Variants in CACNA1S observed in about 807,000 individuals in gnomAD.
CACNA1S encodes voltage-dependent L-type calcium channel subunit alpha-1S.
In CACNA1S, 126 loss-of-function variants were observed where a neutral mutation model predicts 207.4. That is an observed-to-expected ratio of 0.61 (90% CI 0.53 to 0.70). The LOEUF (loss-of-function observed/expected upper bound fraction) is 0.70, where lower values mean the gene tolerates loss of function less well. CACNA1S is among the 30% of genes least tolerant of loss of function. The pLI, the probability that CACNA1S is intolerant of heterozygous loss-of-function variation, is 0.00. For synonymous variants in CACNA1S, 960 were observed against 932.7 expected, an observed-to-expected ratio of 1.03 and a Z score of -0.53; for missense variants, 2,349 against 2,422.8, an observed-to-expected ratio of 0.97 and a Z score of 0.64.
rs1660501725 is a variant in CACNA1S, at chr1:201,047,246, A to G, written c.4544-7T>C. 1 of 1,614,214 alleles carries G rather than the reference A, an allele frequency of 6.2e-7. No homozygotes were observed. The highest frequency in any genetic ancestry group is 8.5e-7 in the Non-Finnish European group (1 of 1,180,042). The stretch of plus-strand genomic sequence containing the variant: ...CCCACTGTCACCTCATCATCTGCAG[A>G]GGAGCCAACAAGAGATGCCCTGAAG... On this transcript the variant is annotated splice_polypyrimidine_tract_variant and splice_region_variant and intron_variant, in intron 37 of 43. Transcript: ENST00000362061.
intron 27 of CACNA1S, 88 bp from the exon 28 acceptor site, chr1:201,058,579 G>T: frequency 9.3e-7 from 1 of 1,079,506 alleles, no homozygotes; most frequent in Non-Finnish European, 1.4e-6. Flanking sequence ...TCCCACCCGA[G>T]CTAATGCGGA....
rs1660627713 is a variant in CACNA1S, at chr1:201,050,990, G to A, written c.4107C>T (p.Ala1369=). 9 of 1,614,180 alleles carry A rather than the reference G, an allele frequency of 5.6e-6. No homozygotes were observed. The highest frequency in any genetic ancestry group is 7.6e-6 in the Non-Finnish European group (9 of 1,180,018). ...CAGGCCCTCAGCATCTCACCAGGAAGGCACAGAGCATGTAGAAGCTGATGA... is the reference window on the plus strand; with the variant it reads ...CAGGCCCTCAGCATCTCACCAGGAAAGCACAGAGCATGTAGAAGCTGATGA... The part of the protein sequence containing the change: ...YYFISFYMLC[A]FLVINLFVAV... Residue 1369 remains alanine (A), a synonymous_variant, in exon 33 of 44, where the codon GCC becomes GCT. Coordinates refer to ENST00000362061, the MANE Select transcript of CACNA1S (RefSeq NM_000069.3).
At chr1:201,045,354 G>T (rs953343347) in intron 38 of CACNA1S, among the ~76,000 whole-genome samples, 1 of 152,208 alleles carries the variant, frequency 6.6e-6, no homozygotes, top group African/African-American at 2.4e-5. Flanking sequence ...TCAATGCACT[G>T]TCTGATTCTG....
At chr1:201,106,829 T>G (rs898694018) in intron 2 of CACNA1S, among the ~76,000 whole-genome samples, 1 of 152,188 alleles carries the variant, frequency 6.6e-6, no homozygotes, top group Non-Finnish European at 1.5e-5. Context: ...CCAAGGGTGT[T>G]GCAATCTCTG....
chr1:201,086,153 G>A (rs1299536103), intron 7 of CACNA1S, among the ~76,000 whole-genome samples: 1 of 152,178 alleles, frequency 6.6e-6, no homozygotes, highest in Non-Finnish European at 1.5e-5. Context: ...ACAGCACAGG[G>A]GTAGTCTCTG....
At chr1:201,084,812 T>G in intron 9 of CACNA1S, 138 bp downstream of exon 9, 1 of 680,564 alleles carries the variant, frequency 1.5e-6, no homozygotes, top group Non-Finnish European at 2.6e-6. Context: ...GAACTGGCCC[T>G]ATTTTCTTAA....
intron 2 of CACNA1S, among the ~76,000 whole-genome samples, chr1:201,098,785 C>T (rs973771216): frequency 1.3e-5 from 2 of 152,168 alleles, no homozygotes; most frequent in Admixed American, 6.5e-5. Context: ...GGACAGTGAG[C>T]CCGTCCAACT....
intron 16 of CACNA1S, 142 bp from the exon 17 acceptor site, chr1:201,070,546 C>A (rs927058257): frequency 1.9e-6 from 2 of 1,072,338 alleles, no homozygotes. Flanking sequence ...AGGGCTTTGG[C>A]AGAGTCCAGC....
rs774698776 is a variant in CACNA1S, at chr1:201,066,186, C to T, written c.2745+43G>A. ...CTGGAGCGAGGAGGCCCCTGTAACC[C>T]CTCCCATTCCTCTCTGGGGCTCCTG... On this transcript the variant is annotated intron_variant, in intron 21 of 43. Coordinates refer to ENST00000362061, the MANE Select transcript of CACNA1S (RefSeq NM_000069.3). The surrounding 1 kb of genome is among the most constrained non-coding windows in gnomAD (Gnocchi z 4.3). The T allele has an allele frequency of 2.2e-5, 35 of 1,575,536 alleles. No homozygotes were observed. Among genetic ancestry groups the T allele is most frequent in the Non-Finnish European group, 2.9e-5 (33 of 1,145,166 alleles).
At chr1:201,094,462 A>G (rs1662347554) in intron 2 of CACNA1S, among the ~76,000 whole-genome samples, 1 of 151,706 alleles carries the variant, frequency 6.6e-6, no homozygotes, top group African/African-American at 2.4e-5. Context: ...TCATTACTCG[A>G]CTTCCAGATA....
intron 2 of CACNA1S, among the ~76,000 whole-genome samples, chr1:201,097,003 C>T (rs1021029522): frequency 6.6e-5 from 10 of 152,100 alleles, no homozygotes; most frequent in Middle Eastern, 3.2e-3. Context: ...TTTCATGTGT[C>T]GCTGTCTCAG....
At position 201,109,243 on chromosome 1, in the gene CACNA1S, C is replaced by CAAAAA. The variant is rs56739161; in HGVS notation, c.258+916_258+920dup. ...TGGGCAACAGAGTGAGACTCTGTCT[C>CAAAAA]AAAAAAAAAAAAAAAAAGAGGTTCT... is the stretch of plus-strand genomic sequence containing the variant. On this transcript the variant is annotated intron_variant, in intron 2 of 43. Transcript: ENST00000362061. Among the ~76,000 whole-genome samples the CAAAAA allele has an allele frequency of 2.2e-3, 262 of 118,554 alleles. 3 individuals carry two copies. Among genetic ancestry groups the CAAAAA allele is most frequent in the African/African-American group, 7.7e-3 (251 of 32,464 alleles). 77.8% of individuals were successfully genotyped at this position (118,554 alleles called of 152,430 possible).
intron 38 of CACNA1S, among the ~76,000 whole-genome samples, chr1:201,045,075 A>G (rs1486025102): frequency 6.6e-6 from 1 of 152,184 alleles, no homozygotes; most frequent in Non-Finnish European, 1.5e-5. Context: ...TAGATTGGTG[A>G]TCTTTATTGA....
intron 36 of CACNA1S, among the ~76,000 whole-genome samples, 188 bp from the exon 37 acceptor site, chr1:201,047,814 A>G (rs969912918): frequency 2.0e-5 from 3 of 151,940 alleles, no homozygotes; most frequent in Non-Finnish European, 4.4e-5. Flanking sequence ...GGGCAGCCCA[A>G]CTCTTGGGTC....
Position 201,048,577 on chromosome 1 carries a change from C to T in CACNA1S, c.4441+5G>A. The T allele has an allele frequency of 6.2e-7, 1 of 1,607,364 alleles. No individual in the cohort carries two copies. On this transcript the variant is annotated splice_donor_5th_base_variant and intron_variant, in intron 36 of 43. Coordinates refer to ENST00000362061, the MANE Select transcript of CACNA1S (RefSeq NM_000069.3). ...GAGGGGGCTCACATTGGAAGGCACT[C>T]TCACCTTCCGTCTTGATCTTGAGTG...
intron 13 of CACNA1S, among the ~76,000 whole-genome samples, 195 bp from the exon 14 acceptor site, chr1:201,074,815 A>C (rs1661548822): frequency 6.6e-6 from 1 of 152,200 alleles, no homozygotes; most frequent in Non-Finnish European, 1.5e-5. Flanking sequence ...AAGGAGCCTG[A>C]ATCCTGTGGC....
rs759728591 is a variant in CACNA1S, at chr1:201,043,362, A to G, written c.4967T>C (p.Leu1656Pro). 1.2e-6 allele frequency: 2 copies of G among 1,614,186 alleles called. No individual in the cohort carries two copies. The highest frequency in any genetic ancestry group is 1.7e-6 in the Non-Finnish European group (2 of 1,180,028). The stretch of plus-strand genomic sequence containing the variant: ...GGCATTGTTGGTATTGGCACGAGCC[A>G]GGGGGTTGGTGCGTGGATCTTGTGG... ...DFPQDPRTNP[L>P]ARANTNNANA... The change falls in exon 40 of 44, where the codon CTG (leucine) becomes CCG (proline). Residue 1656 changes from leucine to proline, a missense_variant. Leu to Pro is a moderately conservative substitution (Grantham distance 98). Coordinates refer to ENST00000362061, the MANE Select transcript of CACNA1S (RefSeq NM_000069.3).
intron 28 of CACNA1S, 114 bp from the exon 29 acceptor site, chr1:201,054,675 A>G (rs1057002037): frequency 1.3e-6 from 1 of 792,456 alleles, no homozygotes; most frequent in Admixed American, 2.1e-5. Context: ...AGAGTTAAAG[A>G]GAAAAAGAGG....
chr1:201,097,458 C>A (rs2102172600), intron 2 of CACNA1S, among the ~76,000 whole-genome samples: 1 of 152,284 alleles, frequency 6.6e-6, no homozygotes, highest in Middle Eastern at 3.4e-3. Context: ...TTTGCTCATC[C>A]CGGCCCCTCT....
Sources: allele counts gnomAD v4.1 joint callset (sites outside exome capture counted in the v4.1 genomes callset), GRCh38; gene constraint gnomAD v4.1.1; non-coding constraint Gnocchi (gnomAD v3.1); transcripts MANE v1.5; gene names NCBI Gene and HGNC (gene_info 2026-07-23, HGNC 2026-07-21).